AP4E1: variants seen among roughly 807,000 people sequenced by gnomAD.
AP4E1 encodes AP-4 complex subunit epsilon-1.
AP4E1 carries 56 observed loss-of-function variants against 128.2 expected under a neutral mutation model. That is an observed-to-expected ratio of 0.44 (90% CI 0.35 to 0.55). The LOEUF is 0.55. Among genes scored for constraint, AP4E1 ranks in the 20% least tolerant of loss-of-function variants. The pLI, the probability that AP4E1 is intolerant of heterozygous loss-of-function variation, is 0.00. For synonymous variants in AP4E1, 484 were observed against 473.1 expected, an observed-to-expected ratio of 1.02 and a Z score of -0.30; for missense variants, 1,324 against 1,307.7, an observed-to-expected ratio of 1.01 and a Z score of -0.19.
intron 13 of AP4E1, among the ~76,000 whole-genome samples, chr15:50,951,726 C>CT (rs71127166): frequency 0.066 from 8,349 of 125,988 alleles, 1,045 homozygotes; most frequent in African/African-American, 0.22. Context: ...AATTTTCTTT[C>CT]TTTTTTTTTT....
chr15:50,991,943 G>A (rs893199170), intron 16 of AP4E1, among the ~76,000 whole-genome samples: 9 of 148,906 alleles, frequency 6.0e-5, no homozygotes, highest in South Asian at 4.3e-4. Context: ...AATAAGTCAA[G>A]TGCCAAGGAC....
intron 8 of AP4E1, among the ~76,000 whole-genome samples, chr15:50,936,980 C>G (rs8041824): frequency 0.79 from 120,888 of 152,110 alleles, 48,114 homozygotes; most frequent in African/African-American, 0.86. Context: ...CCAACAGTTT[C>G]TTTCTTTGCA....
At chr15:50,950,888 G>T (rs534424390) in intron 13 of AP4E1, among the ~76,000 whole-genome samples, 40 of 152,208 alleles carry the variant, frequency 2.6e-4, no homozygotes, top group African/African-American at 8.7e-4. Context: ...TTCTGTTCCT[G>T]CATTAGTTTG....
At chr15:50,941,855 G>A (rs552092017) in intron 10 of AP4E1, 80 bp downstream of exon 10, 1 of 970,612 alleles carries the variant, frequency 1.0e-6, no homozygotes, top group African/African-American at 1.6e-5. Context: ...AGAGATTAAA[G>A]TGGTGGGCAG....
intron 13 of AP4E1, among the ~76,000 whole-genome samples, chr15:50,955,330 C>T (rs1356064210): frequency 6.6e-6 from 1 of 152,224 alleles, no homozygotes; most frequent in Non-Finnish European, 1.5e-5. Flanking sequence ...TCTCCACATT[C>T]TTTCCAGCAC....
intron 7 of AP4E1, among the ~76,000 whole-genome samples, chr15:50,932,156 T>C (rs1005815323): frequency 6.6e-6 from 1 of 152,084 alleles, no homozygotes; most frequent in African/African-American, 2.4e-5. Context: ...ATTTTTGTAT[T>C]TTTAGTAGAA....
At chr15:50,908,655 A>T, upstream of AP4E1, 1 of 1,231,714 alleles carries the variant, frequency 8.1e-7, no homozygotes. Context: ...TGGGACGCCA[A>T]TAAAGATTTC....
At chr15:51,001,232 A>G in intron 20 of AP4E1, 49 bp downstream of exon 20, 2 of 1,545,730 alleles carry the variant, frequency 1.3e-6, no homozygotes, top group Non-Finnish European at 1.8e-6. Flanking sequence ...GAGCTTTCTT[A>G]TAATTGGAAC....
At position 50,993,478 on chromosome 15, in the gene AP4E1, T is replaced by C. The variant is rs2064829273; in HGVS notation, c.2199T>C (p.Pro733=). The part of the protein sequence containing the change: ...TGDESGALPV[P]QESIMENVDQ... ...ATGAAAGTGGAGCTCTGCCTGTTCC[T>C]CAAGAGAGTATAATGGAGAATGTAG... Residue 733 remains proline (P), a synonymous_variant, in exon 17 of 21, where the codon CCT becomes CCC. Coordinates refer to ENST00000261842, the MANE Select transcript of AP4E1 (RefSeq NM_007347.5). 1 of 1,613,976 alleles carries C rather than the reference T, an allele frequency of 6.2e-7. No homozygotes were observed. The highest frequency in any genetic ancestry group is 8.5e-7 in the Non-Finnish European group (1 of 1,179,974).
intron 15 of AP4E1, among the ~76,000 whole-genome samples, chr15:50,975,893 T>C (rs933812703): frequency 1.3e-5 from 2 of 151,976 alleles, no homozygotes; most frequent in African/African-American, 4.8e-5. Flanking sequence ...GGAGGATCAC[T>C]TGAAGCCAGG....
chr15:50,918,735 G>A lies in AP4E1; in HGVS notation c.346+3164G>A, dbSNP rs569347373. Among the ~76,000 whole-genome samples, 374 of 152,126 alleles carry A rather than the reference G, an allele frequency of 2.5e-3. 3 individuals are homozygous for A. The highest frequency in any genetic ancestry group is 8.7e-3 in the African/African-American group (362 of 41,492). On this transcript the variant is annotated intron_variant, in intron 3 of 20. Coordinates refer to ENST00000261842, the MANE Select transcript of AP4E1 (RefSeq NM_007347.5). Reference sequence around the variant, plus strand: ...TTCACTCTCTTTTATATAAAAGGCAGCATGTTATCTATACTATCTCTTACT... The same window carrying A: ...TTCACTCTCTTTTATATAAAAGGCAACATGTTATCTATACTATCTCTTACT...
chr15:50,989,359 C>G (rs978677373), intron 16 of AP4E1, among the ~76,000 whole-genome samples: 1 of 152,066 alleles, frequency 6.6e-6, no homozygotes, highest in Non-Finnish European at 1.5e-5. Context: ...TTATGTTCAT[C>G]CTTACATTTG....
At chr15:50,984,605 G>A (rs1460497464) in intron 16 of AP4E1, among the ~76,000 whole-genome samples, 7 of 151,960 alleles carry the variant, frequency 4.6e-5, no homozygotes, top group Non-Finnish European at 1.0e-4. Context: ...ATGGTTTCCA[G>A]CTTCATCCGT....
intron 13 of AP4E1, among the ~76,000 whole-genome samples, chr15:50,955,532 C>G (rs771831274): frequency 3.9e-5 from 6 of 152,152 alleles, no homozygotes; most frequent in South Asian, 4.1e-4. Flanking sequence ...TTGGTCTAGT[C>G]CTATTAATTG....
At chr15:50,969,975 T>C (rs934565119) in intron 15 of AP4E1, among the ~76,000 whole-genome samples, 6 of 152,180 alleles carry the variant, frequency 3.9e-5, no homozygotes, top group African/African-American at 1.4e-4. Flanking sequence ...AATATCTTTC[T>C]TCTAGTTTTT....
intron 10 of AP4E1, chr15:50,945,005 A>T (rs1204805047): frequency 2.6e-6 from 2 of 770,084 alleles, no homozygotes; most frequent in East Asian, 4.9e-5. Context: ...TATAAGGAAT[A>T]CGTACTCACT....
At chr15:50,987,321 T>A (rs929220883) in intron 16 of AP4E1, among the ~76,000 whole-genome samples, 2 of 152,224 alleles carry the variant, frequency 1.3e-5, no homozygotes, top group Admixed American at 6.5e-5. Context: ...GCTCTGATCT[T>A]AGTTATTTCT....
chr15:50,977,612 G>A (rs1344206514), intron 15 of AP4E1, among the ~76,000 whole-genome samples: 1 of 151,598 alleles, frequency 6.6e-6, no homozygotes. Context: ...TTAGAAATGG[G>A]GTTGGCTATA....
chr15:50,945,524 T>G, intron 10 of AP4E1: 1 of 743,874 alleles, frequency 1.3e-6, no homozygotes, highest in Non-Finnish European at 2.5e-6. Context: ...GTGCTTGACA[T>G]GGATTACCCT....
Sources: allele counts gnomAD v4.1 joint callset (sites outside exome capture counted in the v4.1 genomes callset), GRCh38; gene constraint gnomAD v4.1.1; transcripts MANE v1.5; gene names NCBI Gene and HGNC (gene_info 2026-07-23, HGNC 2026-07-21).